The following DHDDS variants were observed in gnomAD, a reference collection of about 807,000 sequenced individuals.
The protein encoded by DHDDS is dehydrodolichyl diphosphate synthase subunit.
In DHDDS, 16 loss-of-function variants were observed where a neutral mutation model predicts 46.2. The ratio of observed to expected loss-of-function variants is 0.35; its 90% CI spans 0.23 to 0.53. The LOEUF (loss-of-function observed/expected upper bound fraction) is 0.53, where lower values mean the gene tolerates loss of function less well. Among genes scored for constraint, DHDDS ranks in the 20% least tolerant of loss-of-function variants. DHDDS has a pLI of 0.94. For missense variants in DHDDS, 340 were observed against 423.7 expected, an observed-to-expected ratio of 0.80 and a Z score of 1.73; for synonymous variants, 151 against 163.1, an observed-to-expected ratio of 0.93 and a Z score of 0.56.
intron 8 of DHDDS, among the ~76,000 whole-genome samples, chr1:26,465,879 G>A (rs1462596691): frequency 6.6e-6 from 1 of 152,212 alleles, no homozygotes; most frequent in African/African-American, 2.4e-5. Flanking sequence ...CATTCCTCAT[G>A]CTGCTGACCT....
intron 6 of DHDDS, among the ~76,000 whole-genome samples, chr1:26,451,187 C>T (rs897427807): frequency 2.0e-5 from 3 of 152,172 alleles, no homozygotes; most frequent in African/African-American, 7.2e-5. Context: ...AATGTCTCAA[C>T]CCACCAACTC....
chr1:26,452,831 A>G (rs2075334166), intron 6 of DHDDS, among the ~76,000 whole-genome samples: 1 of 152,132 alleles, frequency 6.6e-6, no homozygotes, highest in Admixed American at 6.5e-5. Flanking sequence ...GGACATGGTG[A>G]CTTATGCCTG....
intron 2 of DHDDS, among the ~76,000 whole-genome samples, chr1:26,435,633 G>A (rs550280944): frequency 1.1e-4 from 16 of 147,378 alleles, no homozygotes; most frequent in East Asian, 1.0e-3. Context: ...TCTTTTTTCC[G>A]AGATGGAGTC....
At chr1:26,443,168 G>C (rs772497234) in intron 4 of DHDDS, 17 of 385,582 alleles carry the variant, frequency 4.4e-5, no homozygotes, top group Non-Finnish European at 7.8e-5. Context: ...CCACTAGGTA[G>C]AACCTCTGTA....
intron 6 of DHDDS, chr1:26,454,872 C>G: frequency 6.3e-7 from 1 of 1,592,276 alleles, no homozygotes. Context: ...ACATTTAAAC[C>G]CTTAAGTTCA....
At chr1:26,447,855 T>C in intron 6 of DHDDS, 195 bp downstream of exon 6, 1 of 649,872 alleles carries the variant, frequency 1.5e-6, no homozygotes, top group Non-Finnish European at 2.8e-6. Flanking sequence ...AAAGCAGGCC[T>C]GTACCAAACC....
Position 26,442,745 on chromosome 1 carries a change from T to C in DHDDS, c.195T>C (p.Cys65=). The C allele has an allele frequency of 6.2e-7, 1 of 1,614,122 alleles. No individual in the cohort carries two copies. Among genetic ancestry groups the C allele is most frequent in the Non-Finnish European group, 8.5e-7 (1 of 1,179,994 alleles). ...TCCCCTCTCAGACTCTGCGGTGGTG[T>C]TTGAACCTGGGCATCCTAGAGGTGA... is the stretch of plus-strand genomic sequence containing the variant. ...FNKLAETLRW[C]LNLGILEVTV... Residue 65 remains cysteine (C), a synonymous_variant, in exon 4 of 9, where the codon TGT becomes TGC. Transcript: ENST00000236342.
At chr1:26,448,759 T>C (rs2075293132) in intron 6 of DHDDS, among the ~76,000 whole-genome samples, 1 of 152,170 alleles carries the variant, frequency 6.6e-6, no homozygotes. Context: ...GAGTTCAGCA[T>C]TGAAGTGACT....
At chr1:26,438,982 G>A (rs1213166791) in intron 3 of DHDDS, among the ~76,000 whole-genome samples, 1 of 152,188 alleles carries the variant, frequency 6.6e-6, no homozygotes, top group African/African-American at 2.4e-5. Flanking sequence ...GCCCAGGCCA[G>A]AGTACAGTGC....
intron 6 of DHDDS, chr1:26,454,871 C>T: frequency 1.3e-6 from 2 of 1,591,842 alleles, no homozygotes; most frequent in Non-Finnish European, 1.7e-6. Flanking sequence ...TACATTTAAA[C>T]CCTTAAGTTC....
intron 7 of DHDDS, 83 bp from the exon 8 acceptor site, chr1:26,459,954 C>A (rs1203491778): frequency 7.0e-6 from 8 of 1,140,804 alleles, no homozygotes; most frequent in Non-Finnish European, 1.1e-5. Flanking sequence ...TCCTGCTTAG[C>A]CTGCTTTTTC....
chr1:26,452,569 C>T (rs148448318), intron 6 of DHDDS, among the ~76,000 whole-genome samples: 202 of 152,234 alleles, frequency 1.3e-3, no homozygotes, highest in African/African-American at 4.6e-3. Context: ...CTGTTCCAAG[C>T]ATTAAGTATT....
At chr1:26,462,775 ATT>A (rs1235552052) in intron 8 of DHDDS, 1 of 152,220 alleles carries the variant, frequency 6.6e-6, no homozygotes, top group Non-Finnish European at 1.5e-5. Flanking sequence ...TTCCATAAGT[ATT>A]TATTGAGTAG....
At chr1:26,437,475 CTTT>C (rs1274583292) in intron 2 of DHDDS, among the ~76,000 whole-genome samples, 1 of 144,408 alleles carries the variant, frequency 6.9e-6, no homozygotes, top group Admixed American at 6.9e-5. Flanking sequence ...AACACACCAT[CTTT>C]TTTTTTTTTT....
chr1:26,438,059 C>T (rs1369931527), intron 2 of DHDDS, 109 bp from the exon 3 acceptor site: 3 of 1,105,050 alleles, frequency 2.7e-6, no homozygotes, highest in East Asian at 4.8e-5. Flanking sequence ...CAATTCCCTT[C>T]GTCAGGGTTT....
chr1:26,467,350 C>T (rs1316103466), intron 8 of DHDDS: 2 of 471,462 alleles, frequency 4.2e-6, no homozygotes, highest in African/African-American at 4.0e-5. Context: ...AGACGGAGAG[C>T]TCTACGGCAA....
intron 8 of DHDDS, among the ~76,000 whole-genome samples, chr1:26,465,650 G>A (rs2075477244): frequency 6.6e-6 from 1 of 152,188 alleles, no homozygotes; most frequent in Non-Finnish European, 1.5e-5. Context: ...AGTGCTGAGT[G>A]CAGTGGCTGG....
intron 6 of DHDDS, among the ~76,000 whole-genome samples, chr1:26,453,516 G>A (rs2075341167): frequency 6.6e-6 from 1 of 152,130 alleles, no homozygotes; most frequent in Middle Eastern, 3.2e-3. Context: ...AGCACTTTAG[G>A]TGGCTGAGGC....
intron 7 of DHDDS, 36 bp downstream of exon 7, chr1:26,457,941 T>C (rs749617197): frequency 2.6e-5 from 40 of 1,560,932 alleles, no homozygotes; most frequent in Non-Finnish European, 3.4e-5. Flanking sequence ...GTTTGTGTCA[T>C]GGGGAAACCA....
Sources: gnomAD v4.1 joint callset for allele counts (sites outside exome capture counted in the v4.1 genomes callset) on GRCh38, gnomAD v4.1.1 for gene constraint, MANE v1.5 for transcripts, NCBI Gene and HGNC (gene_info 2026-07-23, HGNC 2026-07-21) for gene names.